The following PAPPA2 variants were observed in gnomAD, a reference collection of about 807,000 sequenced individuals.
PAPPA2 encodes the protein pappalysin-2.
PAPPA2 carries 86 observed loss-of-function variants against 176.4 expected under a neutral mutation model. The observed-to-expected ratio is 0.49, with a 90% CI of 0.41 to 0.58. The LOEUF is 0.58. Ranked by LOEUF, PAPPA2 falls within the 20% of genes least tolerant of loss-of-function variation. PAPPA2 has a pLI of 0.00. For synonymous variants in PAPPA2, 809 were observed against 852.2 expected (o/e 0.95, Z 0.88); for missense variants, 2,073 against 2,256.9 (o/e 0.92, Z 1.65).
intron 1 of PAPPA2, among the ~76,000 whole-genome samples, chr1:176,529,738 G>T (rs926249119): frequency 1.3e-5 from 2 of 151,948 alleles, no homozygotes; most frequent in African/African-American, 4.8e-5. Flanking sequence ...CAATACCGTG[G>T]AACGTTTGGC....
chr1:176,569,282 C>T (rs1041430769), intron 2 of PAPPA2, among the ~76,000 whole-genome samples: 3 of 152,190 alleles, frequency 2.0e-5, no homozygotes, highest in Non-Finnish European at 2.9e-5. Context: ...ACAGATACAG[C>T]ACTCTCCCTG....
intron 8 of PAPPA2, among the ~76,000 whole-genome samples, chr1:176,701,555 C>G (rs1161882971): frequency 3.9e-5 from 6 of 152,190 alleles, no homozygotes; most frequent in Non-Finnish European, 8.8e-5. Context: ...TATTAAAATA[C>G]TTAAAAGCCA....
chr1:176,495,654 G>A (rs111526277), intron 1 of PAPPA2, among the ~76,000 whole-genome samples: 3,534 of 152,194 alleles, frequency 0.023, 144 homozygotes, highest in African/African-American at 0.08. Context: ...TCACTCTGCT[G>A]AAGTGCCTCT....
Position 176,518,452 on chromosome 1 carries a change from T to TA in PAPPA2, c.-916-36938dup, listed in dbSNP as rs368157026. Among the ~76,000 whole-genome samples the TA allele has an allele frequency of 9.8e-3, 1,191 of 121,668 alleles. 7 individuals carry two copies. Among genetic ancestry groups the TA allele is most frequent in the Non-Finnish European group, 0.015 (849 of 55,192 alleles). 79.8% of individuals were successfully genotyped at this position (121,668 alleles called of 152,430 possible). A position where few individuals can be genotyped will look rare whatever the true frequency, so the allele number is the denominator to read the frequency against. On this transcript the variant is annotated intron_variant, in intron 1 of 22. Coordinates refer to ENST00000367662, the MANE Select transcript of PAPPA2 (RefSeq NM_020318.3). The stretch of plus-strand genomic sequence containing the variant: ...CTGTAATTGTGGAAAGCTTGACAGG[T>TA]AAAAAAAAAAAAAAAAACAAACAAA...
chr1:176,579,931 T>C (rs1185311777), intron 2 of PAPPA2, among the ~76,000 whole-genome samples: 2 of 152,258 alleles, frequency 1.3e-5, no homozygotes, highest in Non-Finnish European at 2.9e-5. Flanking sequence ...TAATTGTATA[T>C]ATTTATGAAG....
At chr1:176,669,088 C>T (rs944384458) in intron 3 of PAPPA2, among the ~76,000 whole-genome samples, 6 of 152,022 alleles carry the variant, frequency 3.9e-5, no homozygotes, top group Non-Finnish European at 8.8e-5. Context: ...ACACAGATAG[C>T]CCAAGTAAGC....
At chr1:176,500,820 C>T (rs372744680) in intron 1 of PAPPA2, among the ~76,000 whole-genome samples, 301 of 151,420 alleles carry the variant, frequency 2.0e-3, no homozygotes, top group South Asian at 5.0e-3. Flanking sequence ...TTACTGTTGA[C>T]GTCATGGCTG....
At chr1:176,747,100 A>G (rs188772390) in intron 14 of PAPPA2, among the ~76,000 whole-genome samples, 1 of 152,354 alleles carries the variant, frequency 6.6e-6, no homozygotes. Flanking sequence ...CTTCTATTAT[A>G]TAAATGGTGA....
intron 3 of PAPPA2, among the ~76,000 whole-genome samples, chr1:176,666,629 A>C (rs371071435): frequency 1.0e-5 from 1 of 99,144 alleles, no homozygotes; most frequent in Non-Finnish European, 2.2e-5. Context: ...GAGAGAGAGA[A>C]AGAGAGAGAC....
At chr1:176,684,245 G>A (rs1183887699) in intron 4 of PAPPA2, among the ~76,000 whole-genome samples, 1 of 152,214 alleles carries the variant, frequency 6.6e-6, no homozygotes, top group Non-Finnish European at 1.5e-5. Context: ...CATGGAACCA[G>A]TGGGGTAAAA....
chr1:176,750,898 C>T (rs1663143236), intron 14 of PAPPA2, among the ~76,000 whole-genome samples: 2 of 151,956 alleles, frequency 1.3e-5, no homozygotes, highest in African/African-American at 2.4e-5. Context: ...GAGAATTTAC[C>T]TTTTGCATTA....
chr1:176,689,760 G>A (rs944083596), intron 4 of PAPPA2, among the ~76,000 whole-genome samples: 2 of 152,128 alleles, frequency 1.3e-5, no homozygotes, highest in Admixed American at 1.3e-4. Flanking sequence ...ATGTCGTTTT[G>A]TGAACCTCAT....
chr1:176,662,937 AT>A (rs1412983157), intron 3 of PAPPA2, among the ~76,000 whole-genome samples: 1 of 152,190 alleles, frequency 6.6e-6, no homozygotes, highest in African/African-American at 2.4e-5. Flanking sequence ...CCAGCCAGTT[AT>A]TTCTTATTAG....
intron 4 of PAPPA2, among the ~76,000 whole-genome samples, chr1:176,681,616 T>A (rs893815306): frequency 2.6e-5 from 4 of 152,272 alleles, no homozygotes; most frequent in Admixed American, 2.0e-4. Flanking sequence ...AAATATGAGC[T>A]TTTGTACCAG....
Position 176,556,949 on chromosome 1 carries a change from G to A in PAPPA2, c.627G>A (p.Gly209=), listed in dbSNP as rs1221850220. ...TGTGGAAGAGGCGGGCGGAAGATGGGCAGGGAGACTCCGGTATCTCTTCAC... is the reference window on the plus strand; with the variant it reads ...TGTGGAAGAGGCGGGCGGAAGATGGACAGGGAGACTCCGGTATCTCTTCAC... The part of the protein sequence containing the change: ...RQVWKRRAED[G]QGDSGISSHF... The change falls in exon 2 of 23, where the codon GGG becomes GGA. Residue 209 remains glycine (G), a synonymous_variant. Transcript: ENST00000367662. The A allele has an allele frequency of 6.2e-7, 1 of 1,614,106 alleles. No individual in the cohort carries two copies. Among genetic ancestry groups the A allele is most frequent in the East Asian group, 2.2e-5 (1 of 44,874 alleles).
At chr1:176,797,613 C>T (rs1236491564) in intron 20 of PAPPA2, among the ~76,000 whole-genome samples, 3 of 152,004 alleles carry the variant, frequency 2.0e-5, no homozygotes, top group African/African-American at 7.2e-5. Flanking sequence ...TGCCACTGAA[C>T]TCCAGCCTGG....
At chr1:176,566,387 C>G (rs1231240940) in intron 2 of PAPPA2, among the ~76,000 whole-genome samples, 1 of 152,196 alleles carries the variant, frequency 6.6e-6, no homozygotes, top group African/African-American at 2.4e-5. Context: ...CTGTTACTGC[C>G]TTTCCTCTCC....
At chr1:176,768,471 A>C (rs1664075950) in intron 15 of PAPPA2, among the ~76,000 whole-genome samples, 1 of 151,996 alleles carries the variant, frequency 6.6e-6, no homozygotes, top group African/African-American at 2.4e-5. Flanking sequence ...TATGGTTTTC[A>C]GTCTTTATAT....
chr1:176,721,882 AC>A (rs768564582), intron 12 of PAPPA2, among the ~76,000 whole-genome samples: 4 of 150,274 alleles, frequency 2.7e-5, no homozygotes, highest in Non-Finnish European at 4.4e-5. Flanking sequence ...CATACATTAC[AC>A]CTTTTTTTGT....
Sources: gnomAD v4.1 joint callset for allele counts (sites outside exome capture counted in the v4.1 genomes callset) on GRCh38, gnomAD v4.1.1 for gene constraint, MANE v1.5 for transcripts, NCBI Gene and HGNC (gene_info 2026-07-23, HGNC 2026-07-21) for gene names.